Variants in SSH2 observed in about 807,000 individuals in gnomAD.
SSH2 encodes the protein slingshot protein phosphatase 2.
A neutral mutation model predicts 135.2 loss-of-function variants in SSH2; 37 were observed. The ratio of observed to expected loss-of-function variants is 0.27; its 90% CI spans 0.21 to 0.36. SSH2 has a LOEUF of 0.36. Among genes scored for constraint, SSH2 ranks in the 10% least tolerant of loss-of-function variants. The pLI is 1.00. For missense variants in SSH2, 1,408 were observed against 1,765.3 expected (o/e 0.80, Z 3.63); for synonymous variants, 628 against 646.2 (o/e 0.97, Z 0.43).
rs764046634 is a variant in SSH2 at position 29,648,132 on chromosome 17, T to G, written c.1427+12A>C. On this transcript the variant is annotated intron_variant, in intron 14 of 15. Transcript: ENST00000540801. ...TAAAAGGAGGGAGAATTGGAGAAAG[T>G]CACTGACTCACCTTGCCAGCAAGAT... 2.7e-5 allele frequency: 44 copies of G among 1,612,876 alleles called. No individual in the cohort carries two copies. Among genetic ancestry groups the G allele is most frequent in the Non-Finnish European group, 3.5e-5 (41 of 1,179,748 alleles).
At chr17:29,839,040 G>C (rs1194446035) in intron 2 of SSH2, 1 of 152,276 alleles carries the variant, frequency 6.6e-6, no homozygotes, top group Non-Finnish European at 1.5e-5. Flanking sequence ...CCTCTTTAGG[G>C]ATCTGTGGTT....
At chr17:29,702,917 A>G in intron 4 of SSH2, 42 bp downstream of exon 4, 1 of 1,399,992 alleles carries the variant, frequency 7.1e-7, no homozygotes, top group South Asian at 1.2e-5. Flanking sequence ...GTAACAAAAG[A>G]TATAGTTACC....
chr17:29,895,713 A>G lies in SSH2; in HGVS notation c.63+34225T>C, dbSNP rs1221746055. The stretch of plus-strand genomic sequence containing the variant: ...TACACATTTTATATATGAAATATAT[A>G]AAATATATTTTATATACACATTTCA... On this transcript the variant is annotated intron_variant, in intron 1 of 15. Transcript: ENST00000540801. 6.5e-5 allele frequency among the ~76,000 whole-genome samples: 8 copies of G among 123,708 alleles called. 1 individual carries two copies. Among genetic ancestry groups the G allele is most frequent in the African/African-American group, 1.4e-4 (4 of 28,894 alleles). 81.2% of individuals were successfully genotyped at this position (123,708 alleles called of 152,430 possible).
chr17:29,869,954 T>G (rs1367225278), intron 1 of SSH2, among the ~76,000 whole-genome samples: 2 of 152,276 alleles, frequency 1.3e-5, no homozygotes, highest in South Asian at 4.1e-4. Context: ...GGCATGGACT[T>G]CTTGCATGGG....
At chr17:29,818,249 CTT>C (rs1230051948) in intron 2 of SSH2, among the ~76,000 whole-genome samples, 24 of 133,876 alleles carry the variant, frequency 1.8e-4, no homozygotes, top group Non-Finnish European at 2.0e-4. Flanking sequence ...GGTATTCTTC[CTT>C]TTTTTTTTTT....
At chr17:29,796,184 C>T (rs2042152579) in intron 2 of SSH2, among the ~76,000 whole-genome samples, 1 of 152,158 alleles carries the variant, frequency 6.6e-6, no homozygotes, top group Admixed American at 6.5e-5. Flanking sequence ...TTCTGTTTGC[C>T]TCTTATTTCC....
chr17:29,717,102 CTGTT>C (rs1485136494), intron 3 of SSH2, among the ~76,000 whole-genome samples: 2 of 152,136 alleles, frequency 1.3e-5, no homozygotes, highest in African/African-American at 4.8e-5. Context: ...AACAGAGAGT[CTGTT>C]TGACCTTCAA....
chr17:29,856,322 C>T (rs765500201), intron 1 of SSH2: 1 of 237,892 alleles, frequency 4.2e-6, no homozygotes, highest in African/African-American at 2.4e-5. Context: ...GTTTAGCAGG[C>T]TGATGAATAA....
chr17:29,794,740 G>T (rs2151305952), intron 2 of SSH2, among the ~76,000 whole-genome samples: 1 of 152,278 alleles, frequency 6.6e-6, no homozygotes, highest in East Asian at 1.9e-4. Context: ...AGAAGCAAAA[G>T]GGAAATAAGC....
chr17:29,689,381 C>T (rs1238281503), intron 5 of SSH2, among the ~76,000 whole-genome samples: 1 of 152,102 alleles, frequency 6.6e-6, no homozygotes, highest in Non-Finnish European at 1.5e-5. Context: ...TTGAAAAGGA[C>T]AGCATTTCCA....
At chr17:29,842,513 C>T (rs114621081) in intron 2 of SSH2, among the ~76,000 whole-genome samples, 2,168 of 151,420 alleles carry the variant, frequency 0.014, 65 homozygotes, top group African/African-American at 0.049. Context: ...ATGAGAACCA[C>T]TGAGTTAAAT....
intron 1 of SSH2, among the ~76,000 whole-genome samples, chr17:29,900,278 A>T: frequency 6.6e-6 from 1 of 152,250 alleles, no homozygotes; most frequent in Non-Finnish European, 1.5e-5. Context: ...CAAAATAGAC[A>T]AATGGGATCT....
intron 2 of SSH2, among the ~76,000 whole-genome samples, chr17:29,797,490 A>T (rs1397215379): frequency 6.6e-6 from 1 of 152,248 alleles, no homozygotes; most frequent in Non-Finnish European, 1.5e-5. Flanking sequence ...TGCATAAAAT[A>T]GCAGTTCATT....
intron 2 of SSH2, among the ~76,000 whole-genome samples, chr17:29,814,424 C>T (rs571905423): frequency 1.0e-5 from 1 of 100,158 alleles, no homozygotes; most frequent in African/African-American, 4.1e-5. Context: ...CAGAGCAAGA[C>T]TCTGTCTCAA....
chr17:29,720,094 A>G (rs1359475817), intron 3 of SSH2, among the ~76,000 whole-genome samples: 2 of 152,190 alleles, frequency 1.3e-5, no homozygotes, highest in South Asian at 4.1e-4. Flanking sequence ...GTTTTTGTTT[A>G]AAACATCACT....
chr17:29,688,882 G>A (rs577579348), intron 5 of SSH2, among the ~76,000 whole-genome samples: 30 of 152,286 alleles, frequency 2.0e-4, no homozygotes, highest in Middle Eastern at 6.8e-3. Flanking sequence ...TAGGCCGGGC[G>A]CAGTGGCTCA....
chr17:29,868,885 T>C (rs1329306890), intron 1 of SSH2, among the ~76,000 whole-genome samples: 1 of 152,038 alleles, frequency 6.6e-6, no homozygotes, highest in Non-Finnish European at 1.5e-5. Context: ...TCCAGCATCA[T>C]GGAAAATAAC....
At chr17:29,656,268 C>G (rs1046641200) in intron 11 of SSH2, among the ~76,000 whole-genome samples, 2 of 152,108 alleles carry the variant, frequency 1.3e-5, no homozygotes, top group African/African-American at 4.8e-5. Flanking sequence ...CCTCTGCCTC[C>G]CGGGTTCCAG....
rs552395770 is a variant in SSH2 at position 29,685,631 on chromosome 17, C to CA, written c.358-948dup. ...TGAAACACTGTTTCTACCAAAAATA[C>CA]AAAAAAAATTAGCTGGGCGTGGTGG... On this transcript the variant is annotated intron_variant, in intron 5 of 15. Coordinates refer to ENST00000540801, the MANE Select transcript of SSH2 (RefSeq NM_001282129.2). Among the ~76,000 whole-genome samples the CA allele has an allele frequency of 2.9e-4, 44 of 151,158 alleles. No homozygotes were observed. The South Asian group carries it at 7.7e-3, about 27-fold the overall frequency.
Sources: allele counts gnomAD v4.1 joint callset (sites outside exome capture counted in the v4.1 genomes callset), GRCh38; gene constraint gnomAD v4.1.1; transcripts MANE v1.5; gene names NCBI Gene and HGNC (gene_info 2026-07-23, HGNC 2026-07-21).